CHM: variants seen among roughly 807,000 people sequenced by gnomAD.
CHM encodes the protein rab proteins geranylgeranyltransferase component A 1.
A neutral mutation model predicts 49.0 loss-of-function variants in CHM; 10 were observed. The ratio of observed to expected loss-of-function variants is 0.20; its 90% CI spans 0.13 to 0.35. The LOEUF (loss-of-function observed/expected upper bound fraction) is 0.35, where lower values mean the gene tolerates loss of function less well. Among genes scored for constraint, CHM ranks in the 10% least tolerant of loss-of-function variants. The pLI is 1.00. For synonymous variants in CHM, 184 were observed against 167.5 expected (o/e 1.10, Z -0.76); for missense variants, 455 against 478.4 (o/e 0.95, Z 0.46).
chrX:85,944,923 A>C (rs1049714981), intron 8 of CHM, among the ~76,000 whole-genome samples: 1 of 112,183 alleles, frequency 8.9e-6, no homozygotes, highest in Non-Finnish European at 1.9e-5. Context: ...AACGTGGTAC[A>C]TCTACACCAT....
At chrX:85,976,865 AACACACACAAACACACAC>A (rs1222314365) in intron 4 of CHM, among the ~76,000 whole-genome samples, 51 of 71,124 alleles carry the variant, frequency 7.2e-4, no homozygotes, top group Admixed American at 1.3e-3. Context: ...CTAGGGGGAA[AACACACACAAACACACAC>A]ACACACACAC....
chrX:85,900,236 C>T (rs1403019892), intron 11 of CHM, among the ~76,000 whole-genome samples: 1 of 111,482 alleles, frequency 9.0e-6, no homozygotes, highest in Non-Finnish European at 1.9e-5. Flanking sequence ...ACCTGGAGGA[C>T]ATTATGCTAA....
chrX:85,945,938 C>G (rs1929383652), intron 8 of CHM, among the ~76,000 whole-genome samples: 1 of 111,795 alleles, frequency 8.9e-6, no homozygotes, highest in Non-Finnish European at 1.9e-5. Flanking sequence ...CAAAGGCCAC[C>G]CATGTTATGC....
chrX:85,890,627 T>G (rs566993911), intron 12 of CHM, among the ~76,000 whole-genome samples: 1 of 112,304 alleles, frequency 8.9e-6, no homozygotes, highest in African/African-American at 3.2e-5. Flanking sequence ...TTTTGCCTCC[T>G]GCCATGATTC....
rs1923514382 is a variant in CHM, at chrX:85,863,694, G to A, written c.*936C>T. The A allele has an allele frequency of 8.9e-6, 1 of 112,013 alleles. No homozygotes were observed. The highest frequency in any genetic ancestry group is 3.2e-5 in the African/African-American group (1 of 30,812). 9.2% of individuals were successfully genotyped at this position (112,013 alleles called of 1,213,427 possible). ...GACTTTTGAGATTCATCAAGTCAAT[G>A]GGAAAATTCTAAAACAATTTTCTTC... On this transcript the variant is annotated 3_prime_UTR_variant, in exon 15 of 15. Transcript: ENST00000357749.
intron 2 of CHM, among the ~76,000 whole-genome samples, chrX:86,013,808 C>T (rs1221369682): frequency 1.8e-5 from 2 of 109,847 alleles, no homozygotes; most frequent in South Asian, 7.7e-4. Flanking sequence ...AAAACATAAC[C>T]AAACAGAACT....
At chrX:85,932,174 T>C (rs1024225263) in intron 8 of CHM, among the ~76,000 whole-genome samples, 3 of 112,111 alleles carry the variant, frequency 2.7e-5, no homozygotes, top group Admixed American at 9.5e-5. Flanking sequence ...TCTGCAAGGT[T>C]GACAGATTCG....
chrX:86,020,852 TATATC>T (rs1933513294), intron 2 of CHM, among the ~76,000 whole-genome samples: 1 of 102,320 alleles, frequency 9.8e-6, no homozygotes, highest in African/African-American at 3.5e-5. Flanking sequence ...ATACATCATA[TATATC>T]ATATTTATAT....
intron 8 of CHM, among the ~76,000 whole-genome samples, chrX:85,920,158 C>T (rs959498844): frequency 6.4e-5 from 7 of 108,703 alleles, no homozygotes; most frequent in African/African-American, 1.0e-4. Flanking sequence ...TGCAGTGGCG[C>T]GATCTCGGCT....
intron 2 of CHM, among the ~76,000 whole-genome samples, 185 bp from the exon 3 acceptor site, chrX:85,981,994 GC>G (rs1437316844): frequency 9.0e-6 from 1 of 111,077 alleles, no homozygotes; most frequent in East Asian, 2.8e-4. Context: ...CTAAAAGTAG[GC>G]CTCTCAGATC....
rs1190917859 is a variant in CHM at position 86,021,392 on chromosome X, CT to C, written c.116+6098del. Among the ~76,000 whole-genome samples, 3 of 107,580 alleles carry C rather than the reference CT, an allele frequency of 2.8e-5. No homozygotes were observed. The East Asian group carries it at 8.7e-4, about 31-fold the overall frequency. The allele number at this position is 107,580 out of a possible 115,157, so 93.4% of individuals were successfully genotyped here. A position where few individuals can be genotyped will look rare whatever the true frequency, so the allele number is the denominator to read the frequency against. On this transcript the variant is annotated intron_variant, in intron 2 of 14. Transcript: ENST00000357749. Reference sequence around the variant, plus strand: ...ATTAAATATTATTATGCCCTTTTTTCTTTTGCAAACATTGGTACCAATATTA... The same window carrying C: ...ATTAAATATTATTATGCCCTTTTTTCTTTGCAAACATTGGTACCAATATTA...
intron 2 of CHM, among the ~76,000 whole-genome samples, chrX:85,992,408 G>T (rs772246987): frequency 8.9e-6 from 1 of 111,778 alleles, no homozygotes; most frequent in Non-Finnish European, 1.9e-5. Flanking sequence ...GTATTGATTT[G>T]CCAGATATTA....
At chrX:85,928,931 T>G (rs895067854) in intron 8 of CHM, among the ~76,000 whole-genome samples, 22 of 112,016 alleles carry the variant, frequency 2.0e-4, no homozygotes, top group African/African-American at 7.1e-4. Flanking sequence ...TTATGTTTTT[T>G]AAAGTTCCCC....
chrX:85,984,734 G>A (rs961311972), intron 2 of CHM, among the ~76,000 whole-genome samples: 3 of 111,519 alleles, frequency 2.7e-5, no homozygotes, highest in Non-Finnish European at 3.8e-5. Flanking sequence ...ACAAACTGTC[G>A]TATATCCATA....
chrX:85,880,841 A>C (rs917486557), intron 12 of CHM, among the ~76,000 whole-genome samples: 2 of 111,408 alleles, frequency 1.8e-5, no homozygotes, highest in Non-Finnish European at 3.8e-5. Flanking sequence ...TATTAATACA[A>C]ATTTAAGGTA....
intron 14 of CHM, among the ~76,000 whole-genome samples, chrX:85,869,953 C>A (rs1456501639): frequency 8.9e-6 from 1 of 112,243 alleles, no homozygotes; most frequent in African/African-American, 3.2e-5. Flanking sequence ...TACATCAACA[C>A]AAACAAAATT....
rs562256175 is a variant in CHM at position 85,979,232 on chromosome X, T to A, written c.190-341A>T. 1.1e-3 allele frequency among the ~76,000 whole-genome samples: 125 copies of A among 111,941 alleles called. No individual in the cohort carries two copies. In the South Asian group the frequency reaches 0.046, roughly 41 times the overall value. Reference sequence around the variant, plus strand: ...CTCTATCTGCTGAGAATCAAGTATATCTGTTATATACATTACTTATTAATA... The same window carrying A: ...CTCTATCTGCTGAGAATCAAGTATAACTGTTATATACATTACTTATTAATA... On this transcript the variant is annotated intron_variant, in intron 3 of 14. Coordinates refer to ENST00000357749, the MANE Select transcript of CHM (RefSeq NM_000390.4).
chrX:85,877,994 T>C (rs1244264104), intron 13 of CHM, among the ~76,000 whole-genome samples: 1 of 112,031 alleles, frequency 8.9e-6, no homozygotes, highest in Non-Finnish European at 1.9e-5. Flanking sequence ...TCACCTTCAC[T>C]TCATATAAAA....
chrX:85,953,284 G>T (rs775445422), intron 8 of CHM, among the ~76,000 whole-genome samples: 2 of 111,461 alleles, frequency 1.8e-5, no homozygotes, highest in South Asian at 7.4e-4. Context: ...AGGACACAAA[G>T]AAATGGAAAA....
Sources: gnomAD v4.1 joint callset for allele counts (sites outside exome capture counted in the v4.1 genomes callset) on GRCh38, gnomAD v4.1.1 for gene constraint, MANE v1.5 for transcripts, NCBI Gene and HGNC (gene_info 2026-07-23, HGNC 2026-07-21) for gene names.